Variants in MCC observed in about 807,000 individuals in gnomAD.
MCC encodes the protein colorectal mutant cancer protein.
A neutral mutation model predicts 116.2 loss-of-function variants in MCC; 90 were observed. The ratio of observed to expected loss-of-function variants is 0.77; its 90% confidence interval spans 0.65 to 0.92. The LOEUF (loss-of-function observed/expected upper bound fraction) is 0.92, where lower values mean the gene tolerates loss of function less well. Ranked by LOEUF, MCC falls within the 40% of genes least tolerant of loss-of-function variation. The pLI, the probability that MCC is intolerant of heterozygous loss-of-function variation, is 0.00. For missense variants in MCC, 1,516 were observed against 1,312.2 expected (o/e 1.16, Z -2.40); for synonymous variants, 578 against 510.5 (o/e 1.13, Z -1.78).
At chr5:113,466,018 C>T (rs1440206270) in intron 1 of MCC, among the ~76,000 whole-genome samples, 1 of 151,838 alleles carries the variant, frequency 6.6e-6, no homozygotes, top group Non-Finnish European at 1.5e-5. Context: ...CTCACTGCAA[C>T]CTCTGCCTCT....
chr5:113,466,090 G>A (rs961677081), intron 1 of MCC, among the ~76,000 whole-genome samples: 1 of 152,052 alleles, frequency 6.6e-6, no homozygotes, highest in African/African-American at 2.4e-5. Context: ...GGAACAGTGT[G>A]AGCCATAGCT....
intron 8 of MCC, among the ~76,000 whole-genome samples, chr5:113,091,670 C>T (rs1755653077): frequency 6.6e-6 from 1 of 152,072 alleles, no homozygotes; most frequent in African/African-American, 2.4e-5. Context: ...TTGCTTGACC[C>T]CAGGAGTTTG....
intron 2 of MCC, among the ~76,000 whole-genome samples, chr5:113,364,607 C>T (rs1173998488): frequency 2.0e-5 from 3 of 152,222 alleles, no homozygotes; most frequent in East Asian, 1.9e-4. Context: ...TGTGTGGGGG[C>T]TCCAATCCCA....
At chr5:113,441,432 G>A (rs534109339) in intron 1 of MCC, among the ~76,000 whole-genome samples, 1 of 152,212 alleles carries the variant, frequency 6.6e-6, no homozygotes, top group Non-Finnish European at 1.5e-5. Context: ...TTTCTATAAA[G>A]AGCTAGGTAA....
rs565576304 is a variant in MCC at position 113,252,046 on chromosome 5, CAG to C, written c.627+88471_627+88472del. On this transcript the variant is annotated intron_variant, in intron 3 of 18. Transcript: ENST00000408903. ...CCCACCCTTTTTCCACAAAAATCAA[CAG>C]AGAGTCCTGCTTTCTTTTCACCACA... Among the ~76,000 whole-genome samples the C allele has an allele frequency of 1.2e-3, 177 of 152,286 alleles. 4 individuals carry two copies. In the Middle Eastern group the frequency reaches 0.014, roughly 12 times the overall value.
rs1188616412 is a variant in MCC, at chr5:113,279,552, C to T, written c.627+60967G>A. Among the ~76,000 whole-genome samples the T allele has an allele frequency of 2.0e-5, 3 of 152,188 alleles. No individual in the cohort carries two copies. In the East Asian group the frequency reaches 5.8e-4, roughly 29 times the overall value. ...GCAAATGAATATCGGAGCTTAACTG[C>T]ATGGACTTCGTATCTTTGTAAGAAA... On this transcript the variant is annotated intron_variant, in intron 3 of 18. Coordinates refer to ENST00000408903, the MANE Select transcript of MCC (RefSeq NM_001085377.2).
chr5:113,416,457 G>A (rs955537415), intron 1 of MCC, among the ~76,000 whole-genome samples: 33 of 151,998 alleles, frequency 2.2e-4, no homozygotes, highest in African/African-American at 6.8e-4. Context: ...GGGAGCAGGT[G>A]GCTAAATAAC....
At chr5:113,455,110 C>T (rs1771506136) in intron 1 of MCC, among the ~76,000 whole-genome samples, 1 of 152,188 alleles carries the variant, frequency 6.6e-6, no homozygotes, top group South Asian at 2.1e-4. Context: ...TCCAACCTGA[C>T]TTCTTGCAGT....
chr5:113,340,135 T>G (rs1767974280), intron 3 of MCC, among the ~76,000 whole-genome samples: 1 of 152,234 alleles, frequency 6.6e-6, no homozygotes, highest in South Asian at 2.1e-4. Context: ...CAATGCAATA[T>G]TTTCCTTTTT....
intron 13 of MCC, among the ~76,000 whole-genome samples, chr5:113,067,792 T>A (rs576731569): frequency 1.3e-5 from 2 of 152,404 alleles, no homozygotes; most frequent in South Asian, 4.1e-4. Context: ...GCCCCTTTCA[T>A]CGCTGATGCG....
intron 3 of MCC, chr5:113,294,617 G>C (rs1312767936): frequency 8.6e-6 from 10 of 1,159,330 alleles, no homozygotes; most frequent in Middle Eastern, 3.4e-4. Flanking sequence ...TCGGTGGCGC[G>C]GCGCGCTCGC....
chr5:113,073,236 C>T (rs530126552), intron 11 of MCC, among the ~76,000 whole-genome samples: 2 of 152,312 alleles, frequency 1.3e-5, no homozygotes, highest in South Asian at 4.1e-4. Context: ...CCATTCCTTT[C>T]TCTTATTCAA....
At position 113,049,131 on chromosome 5, in the gene MCC, T is replaced by G; in HGVS notation, c.2617A>C (p.Ser873Arg). 1.9e-6 allele frequency: 3 copies of G among 1,614,212 alleles called. No homozygotes were observed. The highest frequency in any genetic ancestry group is 2.5e-6 in the Non-Finnish European group (3 of 1,180,024). Residue 873 changes from serine (S) to arginine (R), a missense_variant, in exon 16 of 19, where the codon AGC (serine) becomes CGC (arginine). By Grantham distance (110) the Ser-to-Arg change is moderately radical. Transcript: ENST00000408903. Reference protein sequence around the residue: ...EQKEQRMRSLSSTSSGSKDKP... With the variant: ...EQKEQRMRSLRSTSSGSKDKP... ...TCTTTGCTGCCGCTGCTGGTGGAGC[T>G]GAGGGATCGCATCCGCTGCTCCTTC...
intron 1 of MCC, among the ~76,000 whole-genome samples, chr5:113,394,671 C>G (rs1288472610): frequency 2.0e-5 from 3 of 152,222 alleles, no homozygotes; most frequent in African/African-American, 4.8e-5. Flanking sequence ...GTCACTTGAA[C>G]AGCGTCTCCT....
chr5:113,294,195 C>A (rs984680190), intron 3 of MCC: 10 of 1,087,726 alleles, frequency 9.2e-6, no homozygotes, highest in Non-Finnish European at 1.3e-5. Flanking sequence ...ATCTACTAAT[C>A]TTCAATTGCG....
intron 11 of MCC, among the ~76,000 whole-genome samples, chr5:113,071,844 C>A (rs973523425): frequency 6.6e-6 from 1 of 152,158 alleles, no homozygotes. Context: ...AGTGAGTGAA[C>A]AGGAAACTTC....
At chr5:113,087,694 C>T (rs1755299609) in intron 8 of MCC, among the ~76,000 whole-genome samples, 1 of 151,842 alleles carries the variant, frequency 6.6e-6, no homozygotes, top group African/African-American at 2.4e-5. Flanking sequence ...AACACCACTC[C>T]AAAACCTAAA....
At chr5:113,212,810 T>C (rs552305294) in intron 3 of MCC, among the ~76,000 whole-genome samples, 1 of 152,278 alleles carries the variant, frequency 6.6e-6, no homozygotes, top group South Asian at 2.1e-4. Context: ...TTGCACAAGA[T>C]GTCACTCCCC....
rs555851240 is a variant in MCC, at chr5:113,154,018, T to C, written c.628-2596A>G. ...GATGAAAATTTTACTTAACATATCT[T>C]CTCTGATTATAAAAGTAATAAAATT... On this transcript the variant is annotated intron_variant, in intron 3 of 18. Transcript: ENST00000408903. 1.2e-4 allele frequency among the ~76,000 whole-genome samples: 19 copies of C among 152,344 alleles called. 1 individual carries two copies. Among genetic ancestry groups the C allele is most frequent in the African/African-American group, 4.6e-4 (19 of 41,572 alleles).
Sources: allele counts gnomAD v4.1 joint callset (sites outside exome capture counted in the v4.1 genomes callset), GRCh38; gene constraint gnomAD v4.1.1; transcripts MANE v1.5; gene names NCBI Gene and HGNC (gene_info 2026-07-23, HGNC 2026-07-21).